Variants in CRACDL observed in about 807,000 individuals in gnomAD.
CRACDL encodes CRACD like.
Under a neutral mutation model 70.6 loss-of-function variants are expected in CRACDL, and 26 were observed. The observed-to-expected ratio is 0.37, with a 90% CI of 0.27 to 0.51. The LOEUF (loss-of-function observed/expected upper bound fraction) is 0.51. Ranked by LOEUF, CRACDL falls within the 20% of genes least tolerant of loss-of-function variation. The pLI, the probability that CRACDL is intolerant of heterozygous loss-of-function variation, is 0.94. For missense variants in CRACDL, 1,283 were observed against 1,376.9 expected (o/e 0.93, Z 1.08); for synonymous variants, 618 against 615.2 (o/e 1.00, Z -0.07).
At chr2:98,796,773 G>A (rs1703840620) in intron 8 of CRACDL, among the ~76,000 whole-genome samples, 1 of 152,178 alleles carries the variant, frequency 6.6e-6, no homozygotes, top group Non-Finnish European at 1.5e-5. Context: ...GCTATTGGGG[G>A]ATACAAAAAT....
chr2:98,873,447 A>G (rs1409657449), intron 1 of CRACDL, among the ~76,000 whole-genome samples: 1 of 152,188 alleles, frequency 6.6e-6, no homozygotes, highest in African/African-American at 2.4e-5. Context: ...CTAATGTAGC[A>G]ATGCACAACC....
intron 7 of CRACDL, among the ~76,000 whole-genome samples, chr2:98,803,000 T>TC: frequency 7.7e-6 from 1 of 129,696 alleles, no homozygotes; most frequent in East Asian, 2.5e-4. Context: ...ATGCCTGGCT[T>TC]TTTTTTTTTT....
At chr2:98,892,974 C>T (rs983282401) in intron 1 of CRACDL, among the ~76,000 whole-genome samples, 4 of 152,148 alleles carry the variant, frequency 2.6e-5, no homozygotes, top group Non-Finnish European at 1.5e-5. Context: ...CTGGGCCTGG[C>T]CTCTCCACCG....
At chr2:98,818,072 TG>T in intron 7 of CRACDL, among the ~76,000 whole-genome samples, 1 of 152,342 alleles carries the variant, frequency 6.6e-6, no homozygotes, top group Middle Eastern at 3.4e-3. Context: ...AGCTGCTTTA[TG>T]ACCTGTAATT....
intron 1 of CRACDL, among the ~76,000 whole-genome samples, chr2:98,856,200 GA>G (rs1250548345): frequency 2.6e-5 from 4 of 152,154 alleles, no homozygotes; most frequent in African/African-American, 7.2e-5. Flanking sequence ...AAGATAAGGA[GA>G]AAAACTTGAA....
At chr2:98,893,013 G>A (rs1055866499) in intron 1 of CRACDL, among the ~76,000 whole-genome samples, 125 of 152,290 alleles carry the variant, frequency 8.2e-4, no homozygotes, top group African/African-American at 2.8e-3. Context: ...GCCGGCTCCC[G>A]TGTGGGGAGC....
intron 1 of CRACDL, among the ~76,000 whole-genome samples, chr2:98,922,447 A>G (rs1312156861): frequency 3.3e-5 from 5 of 151,894 alleles, no homozygotes; most frequent in Non-Finnish European, 7.4e-5. Flanking sequence ...TCAAAAAAAA[A>G]AAAAAAAAGA....
chr2:98,850,855 C>T (rs1276005458), intron 1 of CRACDL, among the ~76,000 whole-genome samples: 1 of 152,192 alleles, frequency 6.6e-6, no homozygotes, highest in Non-Finnish European at 1.5e-5. Flanking sequence ...AGCCTCCTTC[C>T]CAGCTTATAG....
chr2:98,804,677 G>A (rs1349906617), intron 7 of CRACDL, among the ~76,000 whole-genome samples: 2 of 152,194 alleles, frequency 1.3e-5, no homozygotes, highest in African/African-American at 4.8e-5. Flanking sequence ...GTGCCCGATG[G>A]AGATAATGTG....
intron 1 of CRACDL, among the ~76,000 whole-genome samples, chr2:98,851,532 T>G (rs1559234068): frequency 6.6e-6 from 1 of 152,136 alleles, no homozygotes; most frequent in Non-Finnish European, 1.5e-5. Context: ...TATTCAATCT[T>G]TACACCTCCC....
At chr2:98,909,215 C>T (rs905383470) in intron 1 of CRACDL, among the ~76,000 whole-genome samples, 1 of 152,108 alleles carries the variant, frequency 6.6e-6, no homozygotes, top group African/African-American at 2.4e-5. Flanking sequence ...ATTCATGAGC[C>T]CTAGATAGCA....
chr2:98,794,413 A>G lies in CRACDL; in HGVS notation c.*119T>C. ...TTCCTTCCTCTTCCCCAAGTTCGTC[A>G]TAACTTGATGATAAAATCAATCTTT... On this transcript the variant is annotated 3_prime_UTR_variant, in exon 10 of 10. Transcript: ENST00000397899. The G allele has an allele frequency of 1.0e-6, 1 of 960,158 alleles. No individual in the cohort carries two copies. Among genetic ancestry groups the G allele is most frequent in the Non-Finnish European group, 1.6e-6 (1 of 629,410 alleles). 59.5% of individuals were successfully genotyped at this position (960,158 alleles called of 1,614,324 possible).
intron 1 of CRACDL, among the ~76,000 whole-genome samples, chr2:98,848,105 A>G (rs1244535333): frequency 1.3e-5 from 2 of 152,240 alleles, no homozygotes; most frequent in Admixed American, 6.5e-5. Context: ...ATCATTATCT[A>G]TAAAATGAGG....
intron 6 of CRACDL, among the ~76,000 whole-genome samples, chr2:98,824,796 C>G (rs1705238643): frequency 6.6e-6 from 1 of 152,120 alleles, no homozygotes; most frequent in African/African-American, 2.4e-5. Context: ...TGTGACAATA[C>G]CTAAGCAAAC....
In CRACDL at chr2:98,823,129, C is replaced by T. The variant is rs375696418; in HGVS notation, c.1144G>A (p.Ala382Thr). Reference sequence around the variant, plus strand: ...TCCTCCGCCTTGTCCGTGGCCGGGGCACACGGGCCTGCGGGGGGCGCCTCC... The same window carrying T: ...TCCTCCGCCTTGTCCGTGGCCGGGGTACACGGGCCTGCGGGGGGCGCCTCC... ...DGEAPPAGPC[A>T]PATDKAEEVV... Residue 382 changes from alanine (A) to threonine (T), a missense_variant, in exon 7 of 10, where the codon GCC becomes ACC. This residue lies in a region of CRACDL where 921 missense variants were observed against 881.9 expected (regional missense o/e 1.04). Transcript: ENST00000397899. The surrounding 1 kb of genome is among the most constrained non-coding windows in gnomAD (Gnocchi z 4.0). The T allele has an allele frequency of 1.3e-6, 2 of 1,569,824 alleles. No individual in the cohort carries two copies. Among genetic ancestry groups the T allele is most frequent in the Non-Finnish European group, 1.7e-6 (2 of 1,161,438 alleles).
intron 7 of CRACDL, among the ~76,000 whole-genome samples, chr2:98,803,538 G>A (rs1291912338): frequency 1.3e-5 from 2 of 152,168 alleles, no homozygotes; most frequent in Non-Finnish European, 2.9e-5. Flanking sequence ...GTAGATAAAA[G>A]TATAAAGGAG....
intron 1 of CRACDL, among the ~76,000 whole-genome samples, chr2:98,889,291 GAA>G (rs1240764256): frequency 1.5e-4 from 5 of 32,616 alleles, no homozygotes; most frequent in Admixed American, 1.3e-3. Context: ...GAGAGAGAAA[GAA>G]AGAAAGAAAG....
At chr2:98,877,859 C>G (rs1019489666) in intron 1 of CRACDL, among the ~76,000 whole-genome samples, 6 of 152,098 alleles carry the variant, frequency 3.9e-5, no homozygotes, top group Non-Finnish European at 7.4e-5. Flanking sequence ...TATTCACTCA[C>G]TACTCACTCA....
chr2:98,905,742 C>T (rs13024838), intron 1 of CRACDL, among the ~76,000 whole-genome samples: 13 of 151,776 alleles, frequency 8.6e-5, no homozygotes, highest in East Asian at 1.9e-4. Context: ...CTCATCCTCC[C>T]GAGTAGCTGG....
Sources: allele counts gnomAD v4.1 joint callset (sites outside exome capture counted in the v4.1 genomes callset), GRCh38; gene constraint gnomAD v4.1.1; regional missense constraint gnomAD v4.1.1; non-coding constraint Gnocchi (gnomAD v3.1); transcripts MANE v1.5; gene names NCBI Gene and HGNC (gene_info 2026-07-23, HGNC 2026-07-21).